The following PXDNL variants were observed in gnomAD, a reference collection of about 807,000 sequenced individuals.
The protein encoded by PXDNL is peroxidasin like.
PXDNL carries 145 observed loss-of-function variants against 150.8 expected under a neutral mutation model. The ratio of observed to expected loss-of-function variants is 0.96; its 90% CI spans 0.84 to 1.10. The LOEUF is 1.10. PXDNL is among the 50% of genes least tolerant of loss of function. PXDNL has a pLI of 0.00. For synonymous variants in PXDNL, 757 were observed against 725.7 expected, an observed-to-expected ratio of 1.04 and a Z score of -0.69; for missense variants, 2,087 against 1,873.9, an observed-to-expected ratio of 1.11 and a Z score of -2.10.
chr8:51,520,518 G>C (rs1361592928), intron 4 of PXDNL, among the ~76,000 whole-genome samples: 1 of 152,020 alleles, frequency 6.6e-6, no homozygotes, highest in East Asian at 1.9e-4. Flanking sequence ...AATCTCCTCG[G>C]AAGATCCGAG....
chr8:51,769,356 T>C (rs554134847), intron 1 of PXDNL, among the ~76,000 whole-genome samples: 1 of 152,328 alleles, frequency 6.6e-6, no homozygotes, highest in Non-Finnish European at 1.5e-5. Context: ...GCTCAAATAT[T>C]GGAAAAGCTT....
At chr8:51,332,450 A>C (rs1048378735) in intron 21 of PXDNL, among the ~76,000 whole-genome samples, 1 of 152,180 alleles carries the variant, frequency 6.6e-6, no homozygotes, top group African/African-American at 2.4e-5. Flanking sequence ...ACACTAGTTC[A>C]CCAGCAAAGG....
rs188070411 is a variant in PXDNL, at chr8:51,710,662, T to C, written c.165-55902A>G. Reference sequence around the variant, plus strand: ...GTACTATGAATGAGTCTGACCATTTTAGATCCCCCATAGGAGTGAGCTCAT... The same window carrying C: ...GTACTATGAATGAGTCTGACCATTTCAGATCCCCCATAGGAGTGAGCTCAT... On this transcript the variant is annotated intron_variant, in intron 1 of 22. Coordinates refer to ENST00000356297, the MANE Select transcript of PXDNL (RefSeq NM_144651.5). 1.2e-4 allele frequency among the ~76,000 whole-genome samples: 18 copies of C among 152,340 alleles called. No homozygotes were observed. In the East Asian group the frequency reaches 3.5e-3, roughly 29 times the overall value.
chr8:51,657,201 A>T (rs7823666), intron 1 of PXDNL, among the ~76,000 whole-genome samples: 100,619 of 152,060 alleles, frequency 0.66, 33,820 homozygotes, highest in Non-Finnish European at 0.72. Flanking sequence ...TTACTCACTA[A>T]TGTACATTAC....
chr8:51,381,079 G>A (rs893032892), intron 17 of PXDNL, among the ~76,000 whole-genome samples: 1 of 152,076 alleles, frequency 6.6e-6, no homozygotes, highest in African/African-American at 2.4e-5. Context: ...ATGTTGTCTT[G>A]TAAATTTCCT....
intron 19 of PXDNL, among the ~76,000 whole-genome samples, chr8:51,350,917 A>G (rs1806333474): frequency 6.6e-6 from 1 of 152,142 alleles, no homozygotes; most frequent in East Asian, 1.9e-4. Context: ...TAACTCCTGT[A>G]TTAATAGCAA....
At chr8:51,389,510 T>C (rs1807826689) in intron 17 of PXDNL, among the ~76,000 whole-genome samples, 1 of 152,168 alleles carries the variant, frequency 6.6e-6, no homozygotes, top group South Asian at 2.1e-4. Context: ...GAGAACTCTG[T>C]TTCAGGCCTC....
intron 3 of PXDNL, among the ~76,000 whole-genome samples, chr8:51,586,200 C>G (rs771876503): frequency 2.0e-5 from 3 of 152,168 alleles, no homozygotes; most frequent in Non-Finnish European, 2.9e-5. Context: ...AAGCACTCAT[C>G]CCTGACTATG....
At chr8:51,487,869 C>A (rs1810801289) in intron 5 of PXDNL, among the ~76,000 whole-genome samples, 1 of 152,176 alleles carries the variant, frequency 6.6e-6, no homozygotes, top group African/African-American at 2.4e-5. Context: ...GAATGTAACA[C>A]AAAGGCGCTT....
intron 10 of PXDNL, among the ~76,000 whole-genome samples, chr8:51,450,229 G>T (rs200235969): frequency 6.6e-6 from 1 of 152,174 alleles, no homozygotes; most frequent in East Asian, 1.9e-4. Flanking sequence ...ACAACCAGGG[G>T]TCACTGTCAT....
At chr8:51,675,813 T>TAAAAAAAA in intron 1 of PXDNL, among the ~76,000 whole-genome samples, 2 of 88,010 alleles carry the variant, frequency 2.3e-5, no homozygotes, top group Non-Finnish European at 2.8e-5. Context: ...AAAAAAAAAT[T>TAAAAAAAA]GCCCAGACTC....
At chr8:51,477,380 G>A (rs1810503687) in intron 6 of PXDNL, among the ~76,000 whole-genome samples, 1 of 152,190 alleles carries the variant, frequency 6.6e-6, no homozygotes, top group South Asian at 2.1e-4. Flanking sequence ...ATAAAGCCAT[G>A]GCTAAAGTAG....
chr8:51,543,707 T>G (rs1210193020), intron 4 of PXDNL, among the ~76,000 whole-genome samples: 2 of 68,954 alleles, frequency 2.9e-5, no homozygotes, highest in African/African-American at 1.3e-4. Flanking sequence ...CGAGACTCCA[T>G]ATCAAAAAAA....
At chr8:51,627,103 A>G (rs1814377835) in intron 2 of PXDNL, among the ~76,000 whole-genome samples, 1 of 152,232 alleles carries the variant, frequency 6.6e-6, no homozygotes, top group Admixed American at 6.5e-5. Flanking sequence ...TATAAATGGT[A>G]TATTTTCCTG....
chr8:51,481,613 G>A (rs1254870712), intron 6 of PXDNL, among the ~76,000 whole-genome samples: 2 of 152,186 alleles, frequency 1.3e-5, no homozygotes, highest in Non-Finnish European at 2.9e-5. Context: ...GGCCTAGGAG[G>A]GAAAAATGGT....
chr8:51,563,349 G>A (rs2130565284), intron 3 of PXDNL, among the ~76,000 whole-genome samples: 1 of 152,016 alleles, frequency 6.6e-6, no homozygotes, highest in African/African-American at 2.4e-5. Context: ...GGCACAGAGA[G>A]AGCGAGAGCA....
chr8:51,651,985 A>T (rs1012986220), intron 2 of PXDNL, among the ~76,000 whole-genome samples: 2 of 152,200 alleles, frequency 1.3e-5, no homozygotes, highest in Admixed American at 1.3e-4. Context: ...TAAACCTCTT[A>T]GCAAGCTCTG....
In PXDNL at chr8:51,455,131, A is replaced by AAAAAAAAAAAAAAAAAG. The variant is rs1188033805; in HGVS notation, c.983-1347_983-1346insCTTTTTTTTTTTTTTTT. ...ACTCCGTCTCAAAAAAAAAAAAAAA[A>AAAAAAAAAAAAAAAAAG]AAGAGGTAAGGGAAAGTATAGGGAA... On this transcript the variant is annotated intron_variant, in intron 9 of 22. Coordinates refer to ENST00000356297, the MANE Select transcript of PXDNL (RefSeq NM_144651.5). Among the ~76,000 whole-genome samples, 29 of 91,798 alleles carry AAAAAAAAAAAAAAAAAG rather than the reference A, an allele frequency of 3.2e-4. 3 individuals are homozygous for AAAAAAAAAAAAAAAAAG. The highest frequency in any genetic ancestry group is 4.1e-4 in the Non-Finnish European group (20 of 49,374). The allele number at this position is 91,798 out of a possible 152,430, so 60.2% of individuals were successfully genotyped here.
chr8:51,484,343 G>A (rs1410696905), intron 5 of PXDNL, among the ~76,000 whole-genome samples: 5 of 150,764 alleles, frequency 3.3e-5, no homozygotes, highest in African/African-American at 9.8e-5. Flanking sequence ...GCTGAGGCAT[G>A]AGAATTGCTT....
Sources: allele counts gnomAD v4.1 joint callset (sites outside exome capture counted in the v4.1 genomes callset), GRCh38; gene constraint gnomAD v4.1.1; transcripts MANE v1.5; gene names NCBI Gene and HGNC (gene_info 2026-07-23, HGNC 2026-07-21).